The following EPS8 variants were observed in gnomAD, a reference collection of about 807,000 sequenced individuals.
The protein encoded by EPS8 is EGFR pathway substrate 8, signaling adaptor.
Under a neutral mutation model 103.8 loss-of-function variants are expected in EPS8, and 42 were observed. The observed-to-expected ratio is 0.40, with a 90% CI of 0.32 to 0.52. The LOEUF (loss-of-function observed/expected upper bound fraction) is 0.52. EPS8 is among the 20% of genes least tolerant of loss of function. The pLI is 0.40. For synonymous variants in EPS8, 344 were observed against 344.6 expected, an observed-to-expected ratio of 1.00 and a Z score of 0.02; for missense variants, 969 against 1,005.1, an observed-to-expected ratio of 0.96 and a Z score of 0.49.
Position 15,701,978 on chromosome 12 carries a change from T to C in EPS8, c.-21-19006A>G, listed in dbSNP as rs894219754. On this transcript the variant is annotated intron_variant, in intron 1 of 20. Coordinates refer to ENST00000281172, the MANE Select transcript of EPS8 (RefSeq NM_004447.6). The surrounding 1 kb of genome is among the most constrained non-coding windows in gnomAD (Gnocchi z 5.1). Reference sequence around the variant, plus strand: ...TAGATGTCAAGTCAGCTAATAAGTATTCACTCATATTTATAACTGGTTCAT... The same window carrying C: ...TAGATGTCAAGTCAGCTAATAAGTACTCACTCATATTTATAACTGGTTCAT... Among the ~76,000 whole-genome samples, 6 of 152,230 alleles carry C rather than the reference T, an allele frequency of 3.9e-5. No individual in the cohort carries two copies. Among genetic ancestry groups the C allele is most frequent in the Non-Finnish European group, 7.3e-5 (5 of 68,038 alleles).
rs201331879 is a variant in EPS8, at chr12:15,681,305, G to GTAATAA, written c.60-9_60-4dup. 0.029 allele frequency: 31,177 copies of GTAATAA among 1,083,108 alleles called. 741 individuals are homozygous for GTAATAA. Among genetic ancestry groups the GTAATAA allele is most frequent in the African/African-American group, 0.076 (4,320 of 56,784 alleles). The allele number at this position is 1,083,108 out of a possible 1,614,324, so 67.1% of individuals were successfully genotyped here. On this transcript the variant is annotated splice_polypyrimidine_tract_variant and splice_region_variant and intron_variant, in intron 2 of 20. Coordinates refer to ENST00000281172, the MANE Select transcript of EPS8 (RefSeq NM_004447.6). ...AGGTAGGTGATGATCCGTAGCCACTGTAATAATAATAATAATAATAATAAT... is the reference window on the plus strand; with the variant it reads ...AGGTAGGTGATGATCCGTAGCCACTGTAATAATAATAATAATAATAATAATAATAAT...
chr12:15,755,900 G>T (rs576301553), intron 1 of EPS8, among the ~76,000 whole-genome samples: 1 of 151,650 alleles, frequency 6.6e-6, no homozygotes, highest in South Asian at 2.1e-4. Flanking sequence ...GCTTCCTATC[G>T]CAACTTGCCT....
At position 15,684,048 on chromosome 12, in the gene EPS8, T is replaced by C. The variant is rs1489711852; in HGVS notation, c.-21-1076A>G. 2 of 152,182 alleles carry C rather than the reference T, an allele frequency of 1.3e-5. No homozygotes were observed. The highest frequency in any genetic ancestry group is 6.5e-5 in the Admixed American group (1 of 15,278). 9.4% of individuals were successfully genotyped at this position (152,182 alleles called of 1,614,324 possible). Reference sequence around the variant, plus strand: ...AACCAAACAGACATGGTCCCAACTATAGGGCCAACAGTCTAGTGGGGGGAA... The same window carrying C: ...AACCAAACAGACATGGTCCCAACTACAGGGCCAACAGTCTAGTGGGGGGAA... On this transcript the variant is annotated intron_variant, in intron 1 of 20. Transcript: ENST00000281172. The surrounding 1 kb of genome is among the most constrained non-coding windows in gnomAD (Gnocchi z 4.9).
chr12:15,702,278 G>C lies in EPS8; in HGVS notation c.-21-19306C>G, dbSNP rs1303523551. ...CCTGCCTGTCCAGTGTGATTTTAGG[G>C]TTGAGAGAGTATCATCCTATTTCCT... On this transcript the variant is annotated intron_variant, in intron 1 of 20. Transcript: ENST00000281172. The surrounding 1 kb of genome is among the most constrained non-coding windows in gnomAD (Gnocchi z 5.1). Among the ~76,000 whole-genome samples, 1 of 152,172 alleles carries C rather than the reference G, an allele frequency of 6.6e-6. No homozygotes were observed. The highest frequency in any genetic ancestry group is 1.5e-5 in the Non-Finnish European group (1 of 68,040).
In EPS8 at chr12:15,635,198, G is replaced by A. The variant is rs1945113633; in HGVS notation, c.1822-3534C>T. Among the ~76,000 whole-genome samples the A allele has an allele frequency of 2.0e-5, 3 of 152,058 alleles. No homozygotes were observed. The South Asian group carries it at 6.2e-4, about 32-fold the overall frequency. On this transcript the variant is annotated intron_variant, in intron 17 of 20. Coordinates refer to ENST00000281172, the MANE Select transcript of EPS8 (RefSeq NM_004447.6). ...TGAGCTTTAGTTTCAAACTTTCTAA[G>A]CAGCCTGAACATAGAACATTTAATA...
rs1259184268 is a variant in EPS8 at position 15,734,840 on chromosome 12, T to C, written c.-21-51868A>G. On this transcript the variant is annotated intron_variant, in intron 1 of 20. Transcript: ENST00000281172. This position sits in a 1 kb window ranked among gnomAD's most constrained non-coding sequence, Gnocchi z 4.1. ...CTACCTTACATTGTTCATAATAAAA[T>C]ACTTTCATATCGATGATCTCAATTG... Among the ~76,000 whole-genome samples the C allele has an allele frequency of 6.6e-6, 1 of 152,248 alleles. No individual in the cohort carries two copies. The highest frequency in any genetic ancestry group is 1.5e-5 in the Non-Finnish European group (1 of 68,044).
At chr12:15,621,685 AATGT>A (rs1944864713) in intron 20 of EPS8, among the ~76,000 whole-genome samples, 1 of 152,214 alleles carries the variant, frequency 6.6e-6, no homozygotes, top group Non-Finnish European at 1.5e-5. Flanking sequence ...ATAAATCAAT[AATGT>A]ATGTATAGTA....
At chr12:15,730,715 C>T (rs1389560978) in intron 1 of EPS8, among the ~76,000 whole-genome samples, 1 of 152,108 alleles carries the variant, frequency 6.6e-6, no homozygotes, top group Non-Finnish European at 1.5e-5. Flanking sequence ...CCTATTAGGA[C>T]CACTATACAT....
At position 15,631,543 on chromosome 12, in the gene EPS8, G is replaced by A. The variant is rs1254640096; in HGVS notation, c.1943C>T (p.Ser648Leu). ...ACGTGTTATATTTGCTGGGACCTTT[G>A]ACACAGGAACAGGTGCTGGAGTGGA... ...PPSTPAPVPV[S>L]KVPANITRQN... is the part of the protein sequence containing the mutation. The change falls in exon 18 of 21, where the codon TCA becomes TTA. Residue 648 changes from serine to leucine, a missense_variant. By Grantham distance (145) the Ser-to-Leu change is moderately radical (BLOSUM62 -2). Coordinates refer to ENST00000281172, the MANE Select transcript of EPS8 (RefSeq NM_004447.6). 6.2e-7 allele frequency: 1 copy of A among 1,613,892 alleles called. No homozygotes were observed. Among genetic ancestry groups the A allele is most frequent in the Non-Finnish European group, 8.5e-7 (1 of 1,179,996 alleles).
rs560063517 is a variant in EPS8, at chr12:15,648,525, G to A, written c.1435-1265C>T. 4.6e-5 allele frequency among the ~76,000 whole-genome samples: 7 copies of A among 152,218 alleles called. No homozygotes were observed. In the East Asian group the frequency reaches 7.7e-4, roughly 17 times the overall value. On this transcript the variant is annotated intron_variant, in intron 14 of 20. Transcript: ENST00000281172. ...TTAATACATAAATAAAAATAAACAA[G>A]TTTCAGCCATTTAAATTAAAAAAAT...
rs1189227287 is a variant in EPS8 at position 15,663,347 on chromosome 12, G to T, written c.737-1248C>A. Among the ~76,000 whole-genome samples the T allele has an allele frequency of 8.6e-5, 13 of 152,020 alleles. 1 individual carries two copies. The highest frequency in any genetic ancestry group is 3.3e-4 in the Admixed American group (5 of 15,260). On this transcript the variant is annotated intron_variant, in intron 8 of 20. Coordinates refer to ENST00000281172, the MANE Select transcript of EPS8 (RefSeq NM_004447.6). ...ACAGAGATCACCTTTGGAAGTCAGG[G>T]GTAGATATGCCTCAGGGATTCAACG... is the stretch of plus-strand genomic sequence containing the variant.
At chr12:15,699,255 T>C (rs1404337906) in intron 1 of EPS8, among the ~76,000 whole-genome samples, 1 of 152,200 alleles carries the variant, frequency 6.6e-6, no homozygotes, top group East Asian at 1.9e-4. Context: ...TCCCAGAGCT[T>C]TTATTGTGGT....
intron 1 of EPS8, among the ~76,000 whole-genome samples, chr12:15,768,489 C>T (rs910867622): frequency 6.7e-6 from 1 of 149,416 alleles, no homozygotes; most frequent in Admixed American, 6.7e-5. Context: ...AGATAAGTTC[C>T]CCAACAAATT....
At position 15,696,406 on chromosome 12, in the gene EPS8, C is replaced by G. The variant is rs764740903; in HGVS notation, c.-21-13434G>C. Among the ~76,000 whole-genome samples the G allele has an allele frequency of 4.9e-4, 74 of 152,168 alleles. No homozygotes were observed. Among genetic ancestry groups the G allele is most frequent in the Non-Finnish European group, 9.4e-4 (64 of 68,006 alleles). The stretch of plus-strand genomic sequence containing the variant: ...ACTGTAATCCCAGCACTTTGGGAGG[C>G]CAAGGCAGGCAGATCACGAGGTCAG... On this transcript the variant is annotated intron_variant, in intron 1 of 20. Coordinates refer to ENST00000281172, the MANE Select transcript of EPS8 (RefSeq NM_004447.6). The surrounding 1 kb of genome is among the most constrained non-coding windows in gnomAD (Gnocchi z 4.8).
rs1335410168 is a variant in EPS8, at chr12:15,736,187, G to A, written c.-22+52974C>T. Among the ~76,000 whole-genome samples, 2 of 152,122 alleles carry A rather than the reference G, an allele frequency of 1.3e-5. No homozygotes were observed. The highest frequency in any genetic ancestry group is 1.5e-5 in the Non-Finnish European group (1 of 68,002). On this transcript the variant is annotated intron_variant, in intron 1 of 20. Transcript: ENST00000281172. The surrounding 1 kb of genome is among the most constrained non-coding windows in gnomAD (Gnocchi z 4.2). ...CAATCATGAGCCACTGTGCCGGGCC[G>A]AGTTTGTGTTTTAAACCAAAAACTA... is the stretch of plus-strand genomic sequence containing the variant.
intron 1 of EPS8, among the ~76,000 whole-genome samples, chr12:15,707,824 A>G (rs1259739361): frequency 6.6e-6 from 1 of 152,176 alleles, no homozygotes; most frequent in Admixed American, 6.5e-5. Context: ...ATTCTGAAGT[A>G]CTATTATAAC....
intron 1 of EPS8, among the ~76,000 whole-genome samples, chr12:15,708,447 T>G (rs2135952909): frequency 6.6e-6 from 1 of 152,292 alleles, no homozygotes; most frequent in Non-Finnish European, 1.5e-5. Context: ...TGTAAATTAT[T>G]GGGAAGTGGT....
intron 1 of EPS8, among the ~76,000 whole-genome samples, chr12:15,715,014 G>A (rs1946513051): frequency 6.6e-6 from 1 of 152,166 alleles, no homozygotes. Flanking sequence ...AAGATTGAAT[G>A]GAAACTGTGA....
Position 15,704,925 on chromosome 12 carries a change from A to C in EPS8, c.-21-21953T>G, listed in dbSNP as rs117594372. Among the ~76,000 whole-genome samples the C allele has an allele frequency of 1.9e-3, 294 of 152,252 alleles. 5 individuals are homozygous for C. The East Asian group carries it at 0.038, about 20-fold the overall frequency. On this transcript the variant is annotated intron_variant, in intron 1 of 20. Coordinates refer to ENST00000281172, the MANE Select transcript of EPS8 (RefSeq NM_004447.6). The surrounding 1 kb of genome is among the most constrained non-coding windows in gnomAD (Gnocchi z 4.6). The stretch of plus-strand genomic sequence containing the variant: ...GCGTGCGCATGCACACACACACACA[A>C]AAAACTGTCCTTAAAATCCTGTGTG...
Sources: allele counts gnomAD v4.1 joint callset (sites outside exome capture counted in the v4.1 genomes callset), GRCh38; gene constraint gnomAD v4.1.1; non-coding constraint Gnocchi (gnomAD v3.1); transcripts MANE v1.5; gene names NCBI Gene and HGNC (gene_info 2026-07-23, HGNC 2026-07-21).